The following NSD1 variants were observed in gnomAD, a reference collection of about 807,000 sequenced individuals.
NSD1 encodes the protein histone-lysine N-methyltransferase, H3 lysine-36 specific.
Under a neutral mutation model 242.7 loss-of-function variants are expected in NSD1, and 26 were observed. That is an observed-to-expected ratio of 0.11 (90% CI 0.08 to 0.15). The LOEUF (loss-of-function observed/expected upper bound fraction) is 0.15, where lower values mean the gene tolerates loss of function less well. NSD1 is among the 10% of genes least tolerant of loss of function. NSD1 has a pLI of 1.00. For synonymous variants in NSD1, 1,106 were observed against 1,178.1 expected, an observed-to-expected ratio of 0.94 and a Z score of 1.25; for missense variants, 2,495 against 3,272.8, an observed-to-expected ratio of 0.76 and a Z score of 5.80.
intron 2 of NSD1, among the ~76,000 whole-genome samples, chr5:177,146,279 C>T (rs1464516712): frequency 1.4e-5 from 2 of 145,270 alleles, no homozygotes; most frequent in East Asian, 2.2e-4. Flanking sequence ...AATCTCGGCT[C>T]ACTGCAACCT....
chr5:177,144,388 T>G (rs956177954), intron 2 of NSD1, among the ~76,000 whole-genome samples: 13 of 152,076 alleles, frequency 8.5e-5, no homozygotes, highest in African/African-American at 2.4e-5. Flanking sequence ...TTTTGTTTTT[T>G]TTTTTCTCTA....
chr5:177,170,357 T>A (rs1194455356), intron 2 of NSD1, among the ~76,000 whole-genome samples: 2 of 143,446 alleles, frequency 1.4e-5, no homozygotes, highest in African/African-American at 5.1e-5. Flanking sequence ...TTTTATTTAA[T>A]TTTTTTTTTT....
intron 2 of NSD1, among the ~76,000 whole-genome samples, chr5:177,156,030 AATT>A (rs1335236613): frequency 6.6e-6 from 1 of 151,688 alleles, no homozygotes; most frequent in Non-Finnish European, 1.5e-5. Context: ...AATGAAGATT[AATT>A]ATTGTAGTTG....
rs778224407 is a variant in NSD1 at position 177,238,365 on chromosome 5, G to A, written c.4050G>A (p.Pro1350=). ...EEPPVLEREA[P]FLEGPLAQSE... ...CTCCAGTTCTTGAAAGGGAGGCTCC[G>A]TTTTTGGAGGGCCCCTTGGCTCAGT... Residue 1350 remains proline, a synonymous_variant, in exon 7 of 23, where the codon CCG becomes CCA. Coordinates refer to ENST00000439151, the MANE Select transcript of NSD1 (RefSeq NM_022455.5). This position sits in a 1 kb window ranked among gnomAD's most constrained non-coding sequence, Gnocchi z 4.6. 3.0e-5 allele frequency: 49 copies of A among 1,614,032 alleles called. 1 individual carries two copies. Among genetic ancestry groups the A allele is most frequent in the East Asian group, 1.6e-4 (7 of 44,864 alleles).
intron 2 of NSD1, among the ~76,000 whole-genome samples, chr5:177,143,060 T>G (rs1756955806): frequency 6.6e-6 from 1 of 152,140 alleles, no homozygotes; most frequent in African/African-American, 2.4e-5. Flanking sequence ...TGGGGACATA[T>G]CGAGTTAATG....
intron 21 of NSD1, among the ~76,000 whole-genome samples, chr5:177,289,175 C>T (rs188688309): frequency 7.6e-4 from 115 of 152,092 alleles, no homozygotes; most frequent in African/African-American, 2.7e-3. Flanking sequence ...GAAAAATTAG[C>T]TGGGCCGTGG....
intron 5 of NSD1, among the ~76,000 whole-genome samples, chr5:177,212,485 CTCT>C (rs1308200483): frequency 2.9e-5 from 3 of 104,174 alleles, no homozygotes; most frequent in East Asian, 2.7e-4. Context: ...TTCTCTCTCT[CTCT>C]TTTTTTTTTT....
intron 9 of NSD1, among the ~76,000 whole-genome samples, chr5:177,245,713 G>A (rs1261086943): frequency 6.7e-6 from 1 of 149,380 alleles, no homozygotes; most frequent in Non-Finnish European, 1.5e-5. Flanking sequence ...TCGGTTCACT[G>A]CAGCCTCCAC....
intron 2 of NSD1, among the ~76,000 whole-genome samples, chr5:177,148,406 C>T (rs532920812): frequency 8.5e-5 from 13 of 152,072 alleles, no homozygotes; most frequent in Admixed American, 3.9e-4. Context: ...GCGTGAGCCA[C>T]GGCGCCCCGC....
chr5:177,284,485 G>A (rs923640523), intron 20 of NSD1, among the ~76,000 whole-genome samples: 1 of 151,690 alleles, frequency 6.6e-6, no homozygotes, highest in Non-Finnish European at 1.5e-5. Flanking sequence ...GAGTCTTGCC[G>A]CTATGTTGCC....
intron 8 of NSD1, among the ~76,000 whole-genome samples, 198 bp downstream of exon 8, chr5:177,240,063 G>C (rs1236230767): frequency 1.3e-5 from 2 of 152,024 alleles, no homozygotes; most frequent in Non-Finnish European, 2.9e-5. Context: ...TGTATAAACT[G>C]GTTTCAGGTT....
intron 5 of NSD1, among the ~76,000 whole-genome samples, chr5:177,213,171 A>G (rs981182997): frequency 3.3e-5 from 5 of 152,242 alleles, no homozygotes; most frequent in Non-Finnish European, 7.3e-5. Context: ...AACATTACAC[A>G]GTATACAGTT....
chr5:177,158,998 T>TTATATATATATATATATATGAATGATATA (rs1554173201), intron 2 of NSD1, among the ~76,000 whole-genome samples: 7 of 122,610 alleles, frequency 5.7e-5, no homozygotes, highest in African/African-American at 2.7e-4. Context: ...ATGAATGATT[T>TTATATATATATATATATATGAATGATATA]TATATATATA....
intron 2 of NSD1, among the ~76,000 whole-genome samples, chr5:177,183,720 CT>C (rs988548890): frequency 1.9e-4 from 29 of 151,962 alleles, no homozygotes; most frequent in Non-Finnish European, 4.4e-5. Context: ...TTATTTCTAA[CT>C]TTTTTTTGGA....
chr5:177,217,149 A>G (rs1455482920), intron 5 of NSD1, among the ~76,000 whole-genome samples: 1 of 152,104 alleles, frequency 6.6e-6, no homozygotes, highest in Non-Finnish European at 1.5e-5. Context: ...AAAACAGGCT[A>G]TCTTTCCATT....
At chr5:177,256,345 G>A (rs1182225096) in intron 12 of NSD1, among the ~76,000 whole-genome samples, 5 of 142,312 alleles carry the variant, frequency 3.5e-5, no homozygotes, top group African/African-American at 1.3e-4. Context: ...GTGCACTGGT[G>A]TGATCTCAGC....
At chr5:177,146,471 TGG>T (rs1757256490) in intron 2 of NSD1, among the ~76,000 whole-genome samples, 1 of 152,068 alleles carries the variant, frequency 6.6e-6, no homozygotes, top group Non-Finnish European at 1.5e-5. Context: ...CCCAAAGTGT[TGG>T]GATTACAGGC....
intron 5 of NSD1, among the ~76,000 whole-genome samples, chr5:177,215,178 C>T (rs1763673782): frequency 1.4e-5 from 2 of 147,482 alleles, no homozygotes; most frequent in Non-Finnish European, 3.0e-5. Context: ...ATCTGGTTTT[C>T]AATTTTTTTT....
At chr5:177,192,210 T>G (rs77752841) in intron 3 of NSD1, among the ~76,000 whole-genome samples, 191 bp downstream of exon 3, 4,647 of 152,180 alleles carry the variant, frequency 0.031, 70 homozygotes, top group African/African-American at 0.034. Context: ...AGTTTTTTTT[T>G]TTTGTTTGTT....
Sources: allele counts gnomAD v4.1 joint callset (sites outside exome capture counted in the v4.1 genomes callset), GRCh38; gene constraint gnomAD v4.1.1; non-coding constraint Gnocchi (gnomAD v3.1); transcripts MANE v1.5; gene names NCBI Gene and HGNC (gene_info 2026-07-23, HGNC 2026-07-21).